POU6F2: variants seen among roughly 807,000 people sequenced by gnomAD.
The protein encoded by POU6F2 is POU domain, class 6, transcription factor 2.
A neutral mutation model predicts 71.3 loss-of-function variants in POU6F2; 31 were observed. The observed-to-expected ratio is 0.43, with a 90% CI of 0.33 to 0.59. The LOEUF is 0.59. POU6F2 is among the 20% of genes least tolerant of loss of function. The pLI, the probability that POU6F2 is intolerant of heterozygous loss-of-function variation, is 0.04. For missense variants in POU6F2, 783 were observed against 856.8 expected (o/e 0.91, Z 1.07); for synonymous variants, 347 against 355.7 (o/e 0.98, Z 0.27).
chr7:39,349,605 C>T (rs1196167460), intron 5 of POU6F2, among the ~76,000 whole-genome samples: 3 of 152,204 alleles, frequency 2.0e-5, no homozygotes, highest in Non-Finnish European at 4.4e-5. Flanking sequence ...CAACAGCTCA[C>T]ATCAGCCTGA....
At chr7:39,273,744 A>AC (rs1784382596) in intron 4 of POU6F2, among the ~76,000 whole-genome samples, 2 of 151,710 alleles carry the variant, frequency 1.3e-5, no homozygotes, top group African/African-American at 2.4e-5. Context: ...TCCTCCCTTT[A>AC]CCTCAGTAGA....
intron 1 of POU6F2, among the ~76,000 whole-genome samples, chr7:38,996,125 C>T (rs1584486836): frequency 6.7e-6 from 1 of 148,340 alleles, no homozygotes; most frequent in African/African-American, 2.5e-5. Context: ...CTGCAACCTC[C>T]ACCTCCCTGG....
chr7:39,017,491 C>G (rs1424564781), intron 1 of POU6F2, among the ~76,000 whole-genome samples: 1 of 152,140 alleles, frequency 6.6e-6, no homozygotes. Flanking sequence ...CAGCAGCCGT[C>G]TTATGATAAC....
intron 4 of POU6F2, among the ~76,000 whole-genome samples, chr7:39,312,973 C>T (rs34629959): frequency 0.4 from 60,250 of 152,000 alleles, 13,166 homozygotes; most frequent in East Asian, 0.57. Flanking sequence ...CTGCTGACCA[C>T]GGGTAATTGA....
intron 4 of POU6F2, among the ~76,000 whole-genome samples, chr7:39,258,193 C>T (rs1784062855): frequency 6.6e-6 from 1 of 152,296 alleles, no homozygotes; most frequent in South Asian, 2.1e-4. Context: ...TAACTCACAA[C>T]AGAAACAGTA....
At chr7:39,291,369 TAA>T (rs943193185) in intron 4 of POU6F2, among the ~76,000 whole-genome samples, 10 of 152,238 alleles carry the variant, frequency 6.6e-5, no homozygotes, top group African/African-American at 2.4e-4. Flanking sequence ...GCTATAATTA[TAA>T]GAGGAAAATT....
At chr7:39,114,066 A>G (rs1791877988) in intron 2 of POU6F2, among the ~76,000 whole-genome samples, 1 of 152,220 alleles carries the variant, frequency 6.6e-6, no homozygotes. Flanking sequence ...ATAAAAACAA[A>G]CAAACCAACC....
intron 1 of POU6F2, 100 bp from the exon 2 acceptor site, chr7:39,085,760 A>AAGAG: frequency 8.7e-7 from 1 of 1,152,888 alleles, no homozygotes; most frequent in Non-Finnish European, 1.3e-6. Context: ...GTGTGTGTGG[A>AAGAG]AGAGAGAGAG....
Position 39,030,514 on chromosome 7 carries a change from ATATATATAT to A in POU6F2, c.105+52457_105+52465del, listed in dbSNP as rs1789913626. ...TTCAAAAAATACTATATATATATAT[ATATATATAT>A]ATATATATATATATATATATACACA... On this transcript the variant is annotated intron_variant, in intron 1 of 9. Transcript: ENST00000518318. Among the ~76,000 whole-genome samples the A allele has an allele frequency of 3.0e-5, 3 of 101,342 alleles. No homozygotes were observed. The Admixed American group carries it at 3.0e-4, about 10-fold the overall frequency. 66.5% of individuals were successfully genotyped at this position (101,342 alleles called of 152,430 possible).
intron 1 of POU6F2, among the ~76,000 whole-genome samples, chr7:39,076,579 A>G (rs1791008386): frequency 6.6e-6 from 1 of 152,234 alleles, no homozygotes; most frequent in Non-Finnish European, 1.5e-5. Flanking sequence ...AAGTATCATG[A>G]TTGTTATCGC....
At chr7:39,450,983 A>C (rs1788646760) in intron 7 of POU6F2, among the ~76,000 whole-genome samples, 2 of 152,186 alleles carry the variant, frequency 1.3e-5, no homozygotes, top group Admixed American at 6.5e-5. Flanking sequence ...TTTCCTTAGG[A>C]TATCAGACAG....
chr7:39,061,061 T>C (rs1329278508), intron 1 of POU6F2, among the ~76,000 whole-genome samples: 2 of 152,170 alleles, frequency 1.3e-5, no homozygotes, highest in African/African-American at 4.8e-5. Flanking sequence ...CAGATTTGTA[T>C]ATTAATGCAT....
intron 1 of POU6F2, among the ~76,000 whole-genome samples, chr7:39,016,948 T>C (rs1309354023): frequency 1.3e-5 from 2 of 152,046 alleles, no homozygotes; most frequent in Non-Finnish European, 2.9e-5. Context: ...TGCCGAAAAT[T>C]TGGTTTGATC....
At chr7:39,406,569 G>A in intron 5 of POU6F2, 31 bp from the exon 6 acceptor site, 1 of 1,608,222 alleles carries the variant, frequency 6.2e-7, no homozygotes, top group Non-Finnish European at 8.5e-7. Context: ...CCTCTCGGTG[G>A]TTTTCACGGT....
rs183055780 is a variant in POU6F2 at position 39,202,401 on chromosome 7, C to T, written c.278-1834C>T. On this transcript the variant is annotated intron_variant, in intron 2 of 9. Coordinates refer to ENST00000518318, the MANE Select transcript of POU6F2 (RefSeq NM_001370959.1). The stretch of plus-strand genomic sequence containing the variant: ...TTTTTCTGTGCATTGTAAAAACACT[C>T]TTTTCATAGTCTGGTATAAAAACCC... 5.8e-3 allele frequency among the ~76,000 whole-genome samples: 878 copies of T among 152,322 alleles called. 3 individuals are homozygous for T. Among genetic ancestry groups the T allele is most frequent in the Non-Finnish European group, 8.1e-3 (550 of 68,028 alleles).
intron 2 of POU6F2, among the ~76,000 whole-genome samples, chr7:39,160,196 T>C (rs1792964771): frequency 6.6e-6 from 1 of 152,196 alleles, no homozygotes; most frequent in Admixed American, 6.5e-5. Flanking sequence ...AGTGAACACT[T>C]ACTGAATGCT....
chr7:39,006,888 A>G, intron 1 of POU6F2: 1 of 1,610,456 alleles, frequency 6.2e-7, no homozygotes, highest in African/African-American at 1.3e-5. Context: ...GATTTTTCAG[A>G]ATGCCTACCA....
chr7:39,138,014 G>A (rs1278768805), intron 2 of POU6F2, among the ~76,000 whole-genome samples: 2 of 151,992 alleles, frequency 1.3e-5, no homozygotes, highest in Non-Finnish European at 2.9e-5. Context: ...AGGAATTGGG[G>A]GTCTGTAAGA....
intron 2 of POU6F2, among the ~76,000 whole-genome samples, chr7:39,101,285 G>A (rs1321339923): frequency 6.6e-6 from 1 of 151,912 alleles, no homozygotes; most frequent in Non-Finnish European, 1.5e-5. Flanking sequence ...TGTTGGCCAG[G>A]CTGGTCTCAA....
Sources: allele counts gnomAD v4.1 joint callset (sites outside exome capture counted in the v4.1 genomes callset), GRCh38; gene constraint gnomAD v4.1.1; transcripts MANE v1.5; gene names NCBI Gene and HGNC (gene_info 2026-07-23, HGNC 2026-07-21).